Variants in PLAC1 observed in about 807,000 individuals in gnomAD.
PLAC1 encodes the protein placenta associated 1.
For missense variants in PLAC1, 136 were observed against 163.2 expected, an observed-to-expected ratio of 0.83 and a Z score of 0.91; for synonymous variants, 68 against 62.1, an observed-to-expected ratio of 1.09 and a Z score of -0.44.
At chrX:134,588,418 G>A (rs577166247) in intron 2 of PLAC1, among the ~76,000 whole-genome samples, 4 of 109,020 alleles carry the variant, frequency 3.7e-5, no homozygotes, top group East Asian at 2.9e-4. Context: ...TCTGCCTCCC[G>A]TAGAACCCTC....
intron 2 of PLAC1, among the ~76,000 whole-genome samples, chrX:134,592,882 C>A (rs946637134): frequency 9.2e-6 from 1 of 109,287 alleles, no homozygotes; most frequent in East Asian, 2.9e-4. Flanking sequence ...CCCGCCACCA[C>A]GCCCGGCTAA....
chrX:134,755,856 CTTTTTTT>C (rs776901556), intron 1 of PLAC1, among the ~76,000 whole-genome samples: 25 of 45,516 alleles, frequency 5.5e-4, no homozygotes, highest in East Asian at 4.3e-3. Context: ...CCTTTTCTTT[CTTTTTTT>C]TTTTTTTTTT....
chrX:134,710,851 T>C (rs956956055), intron 2 of PLAC1, among the ~76,000 whole-genome samples: 2 of 111,234 alleles, frequency 1.8e-5, no homozygotes, highest in Non-Finnish European at 3.8e-5. Flanking sequence ...GTAAATACAG[T>C]AGTGTATTTC....
In PLAC1 at chrX:134,566,424, C is replaced by T. The variant is rs751529522; in HGVS notation, c.259G>A (p.Val87Ile). 6 of 1,211,837 alleles carry T rather than the reference C, an allele frequency of 5.0e-6. No homozygotes were observed. The Admixed American group carries it at 1.1e-4, about 22-fold the overall frequency. Residue 87 changes from valine (V) to isoleucine (I), a missense_variant, in exon 3 of 3, where the codon GTC becomes ATC. Physicochemically the swap from Val to Ile is conservative, Grantham distance 29. Transcript: ENST00000359237. Reference sequence around the variant, plus strand: ...CTGTAGATAACCATGTCCTGAGAGACAGCTTTGGCCCTGATGCCACATTCA... The same window carrying T: ...CTGTAGATAACCATGTCCTGAGAGATAGCTTTGGCCCTGATGCCACATTCA... ...VTECGIRAKA[V>I]SQDMVIYSTE...
chrX:134,651,984 G>T (rs1301224149), intron 1 of PLAC1, among the ~76,000 whole-genome samples: 1 of 111,753 alleles, frequency 8.9e-6, no homozygotes, highest in East Asian at 2.8e-4. Flanking sequence ...TCATGTGGGT[G>T]TGTGTATGAG....
intron 2 of PLAC1, among the ~76,000 whole-genome samples, chrX:134,599,018 G>A (rs1014953035): frequency 8.9e-6 from 1 of 111,879 alleles, no homozygotes; most frequent in Non-Finnish European, 1.9e-5. Flanking sequence ...CAAATGATGT[G>A]AGCTAAGATA....
chrX:134,591,593 C>T (rs1248409239), intron 2 of PLAC1, among the ~76,000 whole-genome samples: 3 of 112,555 alleles, frequency 2.7e-5, no homozygotes, highest in African/African-American at 9.7e-5. Flanking sequence ...TAACAAATAA[C>T]GCTGTTATAA....
At chrX:134,666,943 C>CT (rs1451708912) in intron 2 of PLAC1, among the ~76,000 whole-genome samples, 2 of 112,366 alleles carry the variant, frequency 1.8e-5, no homozygotes, top group African/African-American at 6.5e-5. Context: ...AAAGGATAGT[C>CT]TTTTAAACAA....
At chrX:134,626,545 G>A (rs1323085664) in intron 1 of PLAC1, among the ~76,000 whole-genome samples, 1 of 112,093 alleles carries the variant, frequency 8.9e-6, no homozygotes, top group Non-Finnish European at 1.9e-5. Flanking sequence ...CTCTGGGAGA[G>A]ACAGCTTGCC....
chrX:134,732,381 G>A (rs937017786), intron 2 of PLAC1, among the ~76,000 whole-genome samples: 1 of 111,542 alleles, frequency 9.0e-6, no homozygotes, highest in African/African-American at 3.3e-5. Context: ...CTAACCAAGG[G>A]CTGCCAAGTT....
At chrX:134,647,656 G>A (rs887648084) in intron 1 of PLAC1, among the ~76,000 whole-genome samples, 13 of 111,009 alleles carry the variant, frequency 1.2e-4, no homozygotes, top group African/African-American at 4.3e-4. Flanking sequence ...GGGATAGAAA[G>A]GGCTCCTCTC....
chrX:134,610,404 G>A (rs1034100825), intron 1 of PLAC1, among the ~76,000 whole-genome samples: 1 of 110,909 alleles, frequency 9.0e-6, no homozygotes, highest in Admixed American at 9.7e-5. Context: ...CTCGGCCATG[G>A]TTTTCCTAGG....
chrX:134,573,356 C>A (rs2124350565), intron 2 of PLAC1, among the ~76,000 whole-genome samples: 1 of 111,637 alleles, frequency 9.0e-6, no homozygotes, highest in Non-Finnish European at 1.9e-5. Flanking sequence ...AAAACTACAC[C>A]CTTTTCCACA....
chrX:134,628,525 C>T, intron 1 of PLAC1, among the ~76,000 whole-genome samples: 1 of 111,862 alleles, frequency 8.9e-6, no homozygotes, highest in African/African-American at 3.2e-5. Context: ...TCGTCAAGAC[C>T]TTCTTTGTGG....
At chrX:134,572,369 G>A (rs766154408) in intron 2 of PLAC1, among the ~76,000 whole-genome samples, 2 of 112,032 alleles carry the variant, frequency 1.8e-5, no homozygotes, top group African/African-American at 3.2e-5. Flanking sequence ...TACTAATGAT[G>A]TTGAAAGTAC....
chrX:134,723,546 C>T (rs2078665032), intron 2 of PLAC1, among the ~76,000 whole-genome samples: 1 of 110,576 alleles, frequency 9.0e-6, no homozygotes, highest in Admixed American at 9.7e-5. Context: ...CTCCTGGCCT[C>T]AAGCACTCCT....
intron 1 of PLAC1, among the ~76,000 whole-genome samples, chrX:134,635,675 C>T (rs1029697686): frequency 9.0e-6 from 1 of 111,628 alleles, no homozygotes; most frequent in African/African-American, 3.3e-5. Flanking sequence ...TCCGTGGAAG[C>T]TTTTCTGCAA....
intron 1 of PLAC1, among the ~76,000 whole-genome samples, chrX:134,644,138 T>C (rs2078320067): frequency 9.0e-6 from 1 of 111,086 alleles, no homozygotes; most frequent in African/African-American, 3.3e-5. Context: ...GCTACTCTGC[T>C]ATTCAACATT....
chrX:134,734,829 A>AC (rs1033534602), intron 1 of PLAC1, among the ~76,000 whole-genome samples: 3 of 110,806 alleles, frequency 2.7e-5, no homozygotes, highest in Non-Finnish European at 5.7e-5. Context: ...ACTTACTGCC[A>AC]CAGCTGCAAC....
Sources: allele counts gnomAD v4.1 joint callset (sites outside exome capture counted in the v4.1 genomes callset), GRCh38; gene constraint gnomAD v4.1.1; transcripts MANE v1.5; gene names NCBI Gene and HGNC (gene_info 2026-07-23, HGNC 2026-07-21).